The following KRABD4 variants were observed in gnomAD, a reference collection of about 807,000 sequenced individuals.
KRABD4 encodes the protein KRAB domain-containing protein 4.
chrX:46,474,592 A>C, the KRABD4 span: 1 of 112,060 alleles, frequency 8.9e-6, no homozygotes, highest in Non-Finnish European at 1.9e-5. Flanking sequence ...TTGATGTAAG[A>C]AAATTCAAAA....
the KRABD4 span, chrX:46,473,513 A>C: frequency 2.7e-6 from 2 of 746,235 alleles, no homozygotes; most frequent in Non-Finnish European, 3.8e-6. Context: ...GAATGTAATA[A>C]ATGTGGGAAA....
chrX:46,463,422 GAGC>G, the KRABD4 span: 1 of 647,553 alleles, frequency 1.5e-6, no homozygotes, highest in Non-Finnish European at 2.5e-6. Flanking sequence ...AGGCTCTGAT[GAGC>G]AGAACTGTTG....
At chrX:46,456,364 T>C in the KRABD4 span, 8 of 108,524 alleles carry the variant, frequency 7.4e-5, no homozygotes. Context: ...TTATTATTAA[T>C]CATTTAATAA....
At chrX:46,464,879 G>A in the KRABD4 span, among the ~76,000 whole-genome samples, 5 of 111,957 alleles carry the variant, frequency 4.5e-5, no homozygotes, top group African/African-American at 1.6e-4. Flanking sequence ...GTGCAGAACA[G>A]TATAGGCTAA....
the KRABD4 span, among the ~76,000 whole-genome samples, chrX:46,469,420 G>A: frequency 8.9e-6 from 1 of 111,913 alleles, no homozygotes; most frequent in South Asian, 3.7e-4. Flanking sequence ...ATTTTCCCCT[G>A]TGTTTTATGT....
At chrX:46,469,417 CCT>C in the KRABD4 span, among the ~76,000 whole-genome samples, 4 of 111,266 alleles carry the variant, frequency 3.6e-5, no homozygotes, top group Middle Eastern at 4.7e-3. Context: ...TTAATTTTCC[CCT>C]GTGTTTTATG....
the KRABD4 span, chrX:46,448,268 C>T: frequency 2.7e-5 from 3 of 112,179 alleles, no homozygotes; most frequent in African/African-American, 9.7e-5. Context: ...CCCCAGCTTC[C>T]TCACTTAGTC....
At chrX:46,472,890 C>G in the KRABD4 span, 1 of 1,211,792 alleles carries the variant, frequency 8.3e-7, no homozygotes, top group African/African-American at 1.7e-5. Flanking sequence ...AAGCATTTAT[C>G]TGAGCACAGA....
At chrX:46,471,265 G>C in the KRABD4 span, 1 of 994,842 alleles carries the variant, frequency 1.0e-6, no homozygotes, top group Non-Finnish European at 1.4e-6. Context: ...CTTTGTGCCA[G>C]AAAATCCTTC....
the KRABD4 span, among the ~76,000 whole-genome samples, chrX:46,449,668 T>C: frequency 2.7e-5 from 3 of 112,745 alleles, no homozygotes; most frequent in South Asian, 3.7e-4. Flanking sequence ...ACAAATTCCA[T>C]AGCATTTTGA....
chrX:46,471,229 C>G, the KRABD4 span: 9 of 1,119,653 alleles, frequency 8.0e-6, no homozygotes, highest in African/African-American at 1.6e-4. Flanking sequence ...AAAGAATTGA[C>G]TGTTTTATCA....
chrX:46,472,858 A>T, the KRABD4 span: 1 of 1,211,908 alleles, frequency 8.3e-7, no homozygotes, highest in South Asian at 1.8e-5. Flanking sequence ...GAAAGCGGTC[A>T]AGAATCCAGA....
At chrX:46,472,252 T>A in the KRABD4 span, 551 of 118,336 alleles carry the variant, frequency 4.7e-3, 2 homozygotes, top group Non-Finnish European at 5.2e-3. Context: ...AAGTAACCCC[T>A]GATTCTTCTT....
the KRABD4 span, among the ~76,000 whole-genome samples, chrX:46,464,055 C>CAA: frequency 0.24 from 24,428 of 99,933 alleles, 2,626 homozygotes; most frequent in Middle Eastern, 0.39. Context: ...TTTACTTTTT[C>CAA]AAAAAAAAAA....
chrX:46,456,763 G>A, the KRABD4 span: 12 of 312,899 alleles, frequency 3.8e-5, no homozygotes, highest in Non-Finnish European at 6.8e-5. Flanking sequence ...TGTTGAGGTT[G>A]TCCTGCTTAC....
At chrX:46,447,885 A>C in the KRABD4 span, among the ~76,000 whole-genome samples, 1 of 110,579 alleles carries the variant, frequency 9.0e-6, no homozygotes. Context: ...ACTCTGCGGG[A>C]GCTGGGACTT....
the KRABD4 span, chrX:46,455,620 T>C: frequency 5.3e-6 from 2 of 379,557 alleles, no homozygotes; most frequent in Non-Finnish European, 9.5e-6. Context: ...GTTTCTTTAA[T>C]ACAAAAAAGC....
At chrX:46,470,612 A>G in the KRABD4 span, among the ~76,000 whole-genome samples, 1 of 109,415 alleles carries the variant, frequency 9.1e-6, no homozygotes, top group African/African-American at 3.3e-5. Flanking sequence ...CCTGTTTTCA[A>G]CTTCATTGAT....
chrX:46,473,106 A>G, the KRABD4 span: 1 of 1,191,372 alleles, frequency 8.4e-7, no homozygotes, highest in East Asian at 3.0e-5. Flanking sequence ...AACGAGGGAA[A>G]GCCCTCCACC....
Sources: allele counts gnomAD v4.1 joint callset (sites outside exome capture counted in the v4.1 genomes callset), GRCh38; gene constraint gnomAD v4.1.1; transcripts MANE v1.5; gene names NCBI Gene and HGNC (gene_info 2026-07-23, HGNC 2026-07-21).